Variants in IGFBP7 observed in about 807,000 individuals in gnomAD.
IGFBP7 encodes the protein insulin-like growth factor-binding protein 7.
In IGFBP7, 31 loss-of-function variants were observed where a neutral mutation model predicts 29.4. That is an observed-to-expected ratio of 1.05 (90% CI 0.79 to 1.42). The LOEUF is 1.42. Among genes scored for constraint, IGFBP7 ranks in the 40% most tolerant of loss-of-function variants. IGFBP7 has a pLI of 0.00. For synonymous variants in IGFBP7, 172 were observed against 174.9 expected, an observed-to-expected ratio of 0.98 and a Z score of 0.13; for missense variants, 393 against 395.5, an observed-to-expected ratio of 0.99 and a Z score of 0.05.
chr4:57,042,638 A>C (rs1013659381), intron 1 of IGFBP7, among the ~76,000 whole-genome samples: 1 of 152,338 alleles, frequency 6.6e-6, no homozygotes, highest in Admixed American at 6.5e-5. Flanking sequence ...GTGAGCCACT[A>C]TGCCCGGCCT....
chr4:57,090,489 T>C (rs1189581634), intron 1 of IGFBP7, among the ~76,000 whole-genome samples: 1 of 152,222 alleles, frequency 6.6e-6, no homozygotes, highest in African/African-American at 2.4e-5. Context: ...ACAGTTAATT[T>C]GTTCCTCACA....
chr4:57,032,748 G>A (rs948780214), intron 3 of IGFBP7, among the ~76,000 whole-genome samples, 196 bp from the exon 4 acceptor site: 1 of 152,156 alleles, frequency 6.6e-6, no homozygotes, highest in Non-Finnish European at 1.5e-5. Flanking sequence ...ATTCATATGA[G>A]GAAATGTCAT....
intron 1 of IGFBP7, among the ~76,000 whole-genome samples, chr4:57,101,485 TG>T (rs1245372376): frequency 6.6e-6 from 1 of 152,174 alleles, no homozygotes; most frequent in Non-Finnish European, 1.5e-5. Context: ...GGGACATTGA[TG>T]GGGGTGAGGC....
intron 1 of IGFBP7, among the ~76,000 whole-genome samples, chr4:57,088,481 C>G (rs978085352): frequency 6.6e-6 from 1 of 152,152 alleles, no homozygotes; most frequent in African/African-American, 2.4e-5. Flanking sequence ...TCTGCTTCTA[C>G]CCTTCATCCC....
chr4:57,033,376 A>G (rs2109734689), intron 2 of IGFBP7, 65 bp from the exon 3 acceptor site: 1 of 1,009,780 alleles, frequency 9.9e-7, no homozygotes, highest in Non-Finnish European at 1.6e-6. Context: ...GGAAGTGGCC[A>G]CATCCCTACA....
intron 1 of IGFBP7, among the ~76,000 whole-genome samples, chr4:57,048,090 C>T (rs12642511): frequency 0.26 from 37,218 of 145,350 alleles, 5,013 homozygotes; most frequent in East Asian, 0.46. Flanking sequence ...CTTGCTCTGT[C>T]GCCCAGTGTG....
chr4:57,052,535 C>A (rs543701551), intron 1 of IGFBP7, among the ~76,000 whole-genome samples: 26 of 152,254 alleles, frequency 1.7e-4, no homozygotes, highest in African/African-American at 6.0e-4. Flanking sequence ...TTTGGCACTC[C>A]CTCTCACTAG....
rs1724199596 is a variant in IGFBP7, at chr4:57,040,683, G to T, written c.585+141C>A. 5 of 690,736 alleles carry T rather than the reference G, an allele frequency of 7.2e-6. No individual in the cohort carries two copies. The South Asian group carries it at 7.7e-5, about 11-fold the overall frequency. The allele number at this position is 690,736 out of a possible 1,614,324, so 42.8% of individuals were successfully genotyped here. A position where few individuals can be genotyped will look rare whatever the true frequency, so the allele number is the denominator to read the frequency against. ...TTTGTTCCATGAATCCAGGGGAGGG[G>T]CCTGTATGACTGCCCTAAGGCTTCA... On this transcript the variant is annotated intron_variant, in intron 2 of 4. Coordinates refer to ENST00000295666, the MANE Select transcript of IGFBP7 (RefSeq NM_001553.3).
intron 1 of IGFBP7, among the ~76,000 whole-genome samples, chr4:57,093,406 G>A (rs867224977): frequency 1.3e-4 from 20 of 151,854 alleles, no homozygotes; most frequent in African/African-American, 4.1e-4. Context: ...AGGCTGAGGC[G>A]GGAGAATCGC....
chr4:57,062,858 A>G (rs957478028), intron 1 of IGFBP7, among the ~76,000 whole-genome samples: 7 of 152,196 alleles, frequency 4.6e-5, no homozygotes, highest in African/African-American at 1.7e-4. Flanking sequence ...CTGGGATTTG[A>G]AATGTTTTAG....
intron 1 of IGFBP7, among the ~76,000 whole-genome samples, chr4:57,049,397 C>T (rs202069197): frequency 1.6e-5 from 2 of 125,212 alleles, no homozygotes; most frequent in Non-Finnish European, 3.5e-5. Context: ...TACCAATTCA[C>T]TCTTCTATGT....
chr4:57,066,346 A>G (rs1417606010), intron 1 of IGFBP7, among the ~76,000 whole-genome samples: 2 of 152,168 alleles, frequency 1.3e-5, no homozygotes, highest in Non-Finnish European at 2.9e-5. Flanking sequence ...GACAACGGCC[A>G]TGTGAGTGAG....
At chr4:57,041,867 G>A (rs952068629) in intron 1 of IGFBP7, among the ~76,000 whole-genome samples, 3 of 152,206 alleles carry the variant, frequency 2.0e-5, no homozygotes, top group South Asian at 2.1e-4. Context: ...GAAGAGGCCC[G>A]GGTGTCGAGG....
At chr4:57,078,978 A>T (rs1725297320) in intron 1 of IGFBP7, among the ~76,000 whole-genome samples, 1 of 152,150 alleles carries the variant, frequency 6.6e-6, no homozygotes, top group African/African-American at 2.4e-5. Flanking sequence ...GGCTCAATTC[A>T]ATACCTCCTG....
chr4:57,078,871 A>G (rs147256709), intron 1 of IGFBP7, among the ~76,000 whole-genome samples: 135 of 152,228 alleles, frequency 8.9e-4, no homozygotes, highest in African/African-American at 3.1e-3. Flanking sequence ...CAAAGCTGTT[A>G]GGGCTCAAGA....
At chr4:57,061,800 C>T (rs1194079125) in intron 1 of IGFBP7, among the ~76,000 whole-genome samples, 1 of 152,186 alleles carries the variant, frequency 6.6e-6, no homozygotes, top group African/African-American at 2.4e-5. Flanking sequence ...ATGGGCTTTA[C>T]ACCTCCCAGA....
At chr4:57,098,020 T>C (rs1356480944) in intron 1 of IGFBP7, among the ~76,000 whole-genome samples, 1 of 152,144 alleles carries the variant, frequency 6.6e-6, no homozygotes, top group African/African-American at 2.4e-5. Context: ...TGATATATGG[T>C]GTGGATTATG....
In IGFBP7 at chr4:57,032,510, G is replaced by A. The variant is rs560465663; in HGVS notation, c.745C>T (p.His249Tyr). ...GCCTGTCCTTGGGAATTGGATGCAT[G>A]GCACTCATATTCTCCAGCATCTTCC... ...SKEDAGEYEC[H>Y]ASNSQGQASA... Residue 249 changes from histidine (H) to tyrosine (Y), a missense_variant, in exon 4 of 5, where the codon CAT (histidine) becomes TAT (tyrosine). Physicochemically the swap from His to Tyr is moderately conservative, Grantham distance 83 (BLOSUM62 2). Coordinates refer to ENST00000295666, the MANE Select transcript of IGFBP7 (RefSeq NM_001553.3). 1.2e-6 allele frequency: 2 copies of A among 1,614,000 alleles called. No individual in the cohort carries two copies. The highest frequency in any genetic ancestry group is 2.7e-5 in the African/African-American group (2 of 75,026).
At chr4:57,037,757 C>T (rs375207477) in intron 2 of IGFBP7, among the ~76,000 whole-genome samples, 7 of 152,306 alleles carry the variant, frequency 4.6e-5, no homozygotes, top group African/African-American at 1.7e-4. Context: ...CCCCAGGACG[C>T]TTGGGTGACC....
Sources: allele counts gnomAD v4.1 joint callset (sites outside exome capture counted in the v4.1 genomes callset), GRCh38; gene constraint gnomAD v4.1.1; transcripts MANE v1.5; gene names NCBI Gene and HGNC (gene_info 2026-07-23, HGNC 2026-07-21).